The following INTS10 variants were observed in gnomAD, a reference collection of about 807,000 sequenced individuals.
The protein encoded by INTS10 is integrator complex subunit 10, also known as chromosome 8 open reading frame 35.
INTS10 carries 44 observed loss-of-function variants against 94.4 expected under a neutral mutation model. The ratio of observed to expected loss-of-function variants is 0.47; its 90% CI spans 0.37 to 0.60. The LOEUF is 0.60. INTS10 is among the 20% of genes least tolerant of loss of function. INTS10 has a pLI of 0.00. For synonymous variants in INTS10, 341 were observed against 320.7 expected, an observed-to-expected ratio of 1.06 and a Z score of -0.68; for missense variants, 797 against 868.7, an observed-to-expected ratio of 0.92 and a Z score of 1.04.
rs1460950439 is a variant in INTS10, at chr8:19,840,384, G to A, written c.1640-2464G>A. Among the ~76,000 whole-genome samples the A allele has an allele frequency of 8.5e-5, 13 of 152,226 alleles. No homozygotes were observed. In the East Asian group the frequency reaches 2.5e-3, roughly 29 times the overall value. ...ATCTGTAGATTCAATGCAATTTCAA[G>A]CAAAATTACAGCAGACTTTACGGTT... On this transcript the variant is annotated intron_variant, in intron 13 of 16. Transcript: ENST00000397977.
chr8:19,820,772 A>T (rs923803648), intron 4 of INTS10, among the ~76,000 whole-genome samples: 10 of 152,230 alleles, frequency 6.6e-5, no homozygotes, highest in African/African-American at 2.4e-4. Flanking sequence ...TCCATATGGT[A>T]AAAAGTAATC....
At chr8:19,838,379 A>C (rs1462988392) in intron 13 of INTS10, among the ~76,000 whole-genome samples, 1 of 151,884 alleles carries the variant, frequency 6.6e-6, no homozygotes, top group African/African-American at 2.4e-5. Context: ...CAGAATGTTC[A>C]AGAAAGAAAG....
intron 15 of INTS10, 141 bp from the exon 16 acceptor site, chr8:19,845,563 C>G: frequency 1.5e-6 from 1 of 645,826 alleles, no homozygotes; most frequent in Non-Finnish European, 2.8e-6. Context: ...TGCCAAGACC[C>G]CATTTCCTTA....
Position 19,851,309 on chromosome 8 carries a change from A to G in INTS10, c.1977-340A>G, listed in dbSNP as rs1225503018. Among the ~76,000 whole-genome samples the G allele has an allele frequency of 1.3e-5, 2 of 152,138 alleles. No homozygotes were observed. Among genetic ancestry groups the G allele is most frequent in the African/African-American group, 4.8e-5 (2 of 41,432 alleles). On this transcript the variant is annotated intron_variant, in intron 16 of 16. Transcript: ENST00000397977. This position sits in a 1 kb window ranked among gnomAD's most constrained non-coding sequence, Gnocchi z 5.0. ...TTTGTAGCCAGTGTGGACTGGACCC[A>G]TTTGGCCCTAAGTAACTGAATTGTG...
chr8:19,817,816 C>T (rs1440925181), intron 1 of INTS10, 150 bp downstream of exon 1: 1 of 1,029,438 alleles, frequency 9.7e-7, no homozygotes, highest in African/African-American at 1.6e-5. Context: ...TCCTCTCTCC[C>T]CTCCCATCCT....
chr8:19,844,254 G>T lies in INTS10; in HGVS notation c.1882+16G>T, dbSNP rs1490543644. ...TACGTTACAAGTATCCTTTTTTCTT[G>T]TTTAAGCATAACACATTCTGATTTT... On this transcript the variant is annotated intron_variant, in intron 15 of 16. Transcript: ENST00000397977. 3 of 1,558,902 alleles carry T rather than the reference G, an allele frequency of 1.9e-6. No homozygotes were observed. In the African/African-American group the frequency reaches 4.1e-5, roughly 21 times the overall value.
chr8:19,820,653 T>C, intron 4 of INTS10, 135 bp downstream of exon 4: 1 of 687,308 alleles, frequency 1.5e-6, no homozygotes, highest in Non-Finnish European at 2.2e-6. Flanking sequence ...TAGAAGGTTC[T>C]TTGTTAGTAA....
intron 16 of INTS10, among the ~76,000 whole-genome samples, chr8:19,847,774 G>C (rs1009986094): frequency 2.6e-5 from 4 of 152,186 alleles, no homozygotes; most frequent in African/African-American, 9.7e-5. Context: ...CCTAGGATGA[G>C]GAATGAGAGC....
chr8:19,818,204 G>A (rs1248561232), intron 1 of INTS10, 71 bp from the exon 2 acceptor site: 6 of 1,483,076 alleles, frequency 4.0e-6, no homozygotes, highest in Non-Finnish European at 5.7e-6. Flanking sequence ...GAGGGCCAAC[G>A]AGCGATGCTG....
intron 9 of INTS10, among the ~76,000 whole-genome samples, chr8:19,829,988 A>T (rs1460162705): frequency 6.6e-6 from 1 of 152,176 alleles, no homozygotes; most frequent in Non-Finnish European, 1.5e-5. Context: ...ATTTTATCCC[A>T]GTACATGCCA....
chr8:19,847,744 A>G (rs1039354807), intron 16 of INTS10, among the ~76,000 whole-genome samples: 5 of 152,212 alleles, frequency 3.3e-5, no homozygotes, highest in Admixed American at 2.0e-4. Context: ...GAAGAGTGAC[A>G]TAAGTCCAAG....
rs774247014 is a variant in INTS10, at chr8:19,822,472, A to G, written c.475A>G (p.Thr159Ala). 1.2e-6 allele frequency: 2 copies of G among 1,612,578 alleles called. No individual in the cohort carries two copies. Among genetic ancestry groups the G allele is most frequent in the South Asian group, 1.1e-5 (1 of 91,030 alleles). The change falls in exon 5 of 17, where the codon ACT becomes GCT. Residue 159 changes from threonine to alanine, a missense_variant. Physicochemically the swap from Thr to Ala is moderately conservative, Grantham distance 58 (BLOSUM62 0). This residue lies in a region of INTS10 where 734 missense variants were observed against 787.8 expected (regional missense o/e 0.93). Coordinates refer to ENST00000397977, the MANE Select transcript of INTS10 (RefSeq NM_018142.4). ...TGGGGAGGCACTATTAGAGGCTGAA[A>G]CTATTGAAGAACAAGAATCTCCAGT... ...GLGEALLEAE[T>A]IEEQESPVNC...
rs923706983 is a variant in INTS10, at chr8:19,850,991, C to G, written c.1977-658C>G. Among the ~76,000 whole-genome samples the G allele has an allele frequency of 3.9e-5, 6 of 152,168 alleles. No individual in the cohort carries two copies. In the East Asian group the frequency reaches 1.2e-3, roughly 29 times the overall value. ...TCCCTCTGCCCCTCAGAGATTCTGC[C>G]TCTCTCTCCTGACCTGTGCCACATT... On this transcript the variant is annotated intron_variant, in intron 16 of 16. Transcript: ENST00000397977.
intron 13 of INTS10, among the ~76,000 whole-genome samples, chr8:19,841,408 A>G (rs1314662584): frequency 6.6e-6 from 1 of 152,196 alleles, no homozygotes; most frequent in Non-Finnish European, 1.5e-5. Context: ...TGTCTATCAC[A>G]CAAAATCAAC....
intron 11 of INTS10, among the ~76,000 whole-genome samples, chr8:19,832,786 A>G (rs968977003): frequency 6.6e-6 from 1 of 152,196 alleles, no homozygotes; most frequent in Admixed American, 6.5e-5. Flanking sequence ...TTCACGAATG[A>G]GGTGGTGTCG....
intron 4 of INTS10, 113 bp from the exon 5 acceptor site, chr8:19,822,326 G>T: frequency 1.7e-6 from 1 of 587,948 alleles, no homozygotes. Context: ...TTGTTTCTCA[G>T]ATAAGTTTGA....
chr8:19,849,300 T>C lies in INTS10; in HGVS notation c.1977-2349T>C. 1.2e-6 allele frequency: 1 copy of C among 841,890 alleles called. No individual in the cohort carries two copies. Among genetic ancestry groups the C allele is most frequent in the Non-Finnish European group, 1.7e-6 (1 of 584,998 alleles). The allele number at this position is 841,890 out of a possible 1,614,324, so 52.2% of individuals were successfully genotyped here. On this transcript the variant is annotated intron_variant, in intron 16 of 16. Transcript: ENST00000397977. This position sits in a 1 kb window ranked among gnomAD's most constrained non-coding sequence, Gnocchi z 4.6. Reference sequence around the variant, plus strand: ...TGTTTGTCAACATGTTCGCTGCCCATGGTTCTCAGCTCTTCGTTCCTCAGT... The same window carrying C: ...TGTTTGTCAACATGTTCGCTGCCCACGGTTCTCAGCTCTTCGTTCCTCAGT...
chr8:19,844,654 C>T (rs2068422250), intron 15 of INTS10, among the ~76,000 whole-genome samples: 1 of 152,132 alleles, frequency 6.6e-6, no homozygotes, highest in Non-Finnish European at 1.5e-5. Context: ...TGTTAGGGCA[C>T]CCTGCCATAG....
At chr8:19,824,611 G>A (rs1312125198) in intron 7 of INTS10, 192 bp from the exon 8 acceptor site, 1 of 497,214 alleles carries the variant, frequency 2.0e-6, no homozygotes, top group Non-Finnish European at 3.5e-6. Context: ...TAGCATGTTT[G>A]TGTCATGAAA....
Sources: gnomAD v4.1 joint callset for allele counts (sites outside exome capture counted in the v4.1 genomes callset) on GRCh38, gnomAD v4.1.1 for gene constraint, gnomAD v4.1.1 regional missense constraint, Gnocchi (gnomAD v3.1) non-coding constraint, MANE v1.5 for transcripts, NCBI Gene and HGNC (gene_info 2026-07-23, HGNC 2026-07-21) for gene names.